The following NCOA1 variants were observed in gnomAD, a reference collection of about 807,000 sequenced individuals.
NCOA1 encodes the protein nuclear receptor coactivator 1, also known as Hin-2 protein.
In NCOA1, 35 loss-of-function variants were observed where a neutral mutation model predicts 150.9. The ratio of observed to expected loss-of-function variants is 0.23; its 90% CI spans 0.18 to 0.31. The LOEUF is 0.31. NCOA1 is among the 10% of genes least tolerant of loss of function. The pLI is 1.00. For missense variants in NCOA1, 1,491 were observed against 1,749.3 expected (o/e 0.85, Z 2.63); for synonymous variants, 590 against 630.0 (o/e 0.94, Z 0.95).
Position 24,747,966 on chromosome 2 carries a change from C to T in NCOA1, c.3707-4016C>T, listed in dbSNP as rs1046744205. Among the ~76,000 whole-genome samples the T allele has an allele frequency of 5.9e-5, 9 of 151,922 alleles. No individual in the cohort carries two copies. The South Asian group carries it at 8.3e-4, about 14-fold the overall frequency. On this transcript the variant is annotated intron_variant, in intron 19 of 22. Coordinates refer to ENST00000348332, the MANE Select transcript of NCOA1 (RefSeq NM_003743.5). The stretch of plus-strand genomic sequence containing the variant: ...TACTAAAAATACAAAAGTAGCTGGG[C>T]GTGGTGGCGCATGCCTGTAATCCCA...
At chr2:24,722,370 C>T (rs1674396926) in intron 14 of NCOA1, among the ~76,000 whole-genome samples, 1 of 152,140 alleles carries the variant, frequency 6.6e-6, no homozygotes, top group Non-Finnish European at 1.5e-5. Context: ...TTTGTCAGTA[C>T]CTTCAAAACC....
intron 3 of NCOA1, among the ~76,000 whole-genome samples, chr2:24,621,024 T>C (rs1669127126): frequency 1.3e-5 from 2 of 152,220 alleles, no homozygotes; most frequent in African/African-American, 2.4e-5. Context: ...ATGTTTCTTC[T>C]TGTTAACTAA....
rs529808645 is a variant in NCOA1 at position 24,505,404 on chromosome 2, C to T, written c.-396+13802C>T. On this transcript the variant is annotated intron_variant, in intron 1 of 22. Transcript: ENST00000348332. ...CTGTTGGTCAGGCTGGTCTTGAACT[C>T]TCAACCTCAGGTGATCCACCTGCCT... 4.6e-5 allele frequency among the ~76,000 whole-genome samples: 7 copies of T among 152,288 alleles called. No individual in the cohort carries two copies. In the East Asian group the frequency reaches 7.7e-4, roughly 17 times the overall value.
chr2:24,748,747 T>C (rs1664070116), intron 19 of NCOA1, among the ~76,000 whole-genome samples: 1 of 152,066 alleles, frequency 6.6e-6, no homozygotes, highest in Non-Finnish European at 1.5e-5. Context: ...AAAATCATTA[T>C]ATTAAAAATA....
At chr2:24,600,200 T>TTTG (rs773615016) in intron 3 of NCOA1, among the ~76,000 whole-genome samples, 22 of 152,152 alleles carry the variant, frequency 1.4e-4, no homozygotes, top group African/African-American at 3.4e-4. Flanking sequence ...ATTATGTTTT[T>TTTG]TTGTTGTTGT....
At chr2:24,716,548 G>T (rs1674056898) in intron 14 of NCOA1, among the ~76,000 whole-genome samples, 3 of 151,994 alleles carry the variant, frequency 2.0e-5, no homozygotes, top group African/African-American at 7.2e-5. Context: ...ACAAAAAAAT[G>T]AACTTATTTT....
chr2:24,533,421 A>G (rs1357966456), intron 1 of NCOA1, among the ~76,000 whole-genome samples: 2 of 152,152 alleles, frequency 1.3e-5, no homozygotes, highest in African/African-American at 4.8e-5. Flanking sequence ...CTCTTTTCCT[A>G]ATTGAATACT....
intron 4 of NCOA1, 94 bp from the exon 5 acceptor site, chr2:24,658,567 T>C (rs1671045418): frequency 8.3e-6 from 7 of 847,852 alleles, no homozygotes; most frequent in African/African-American, 1.7e-5. Flanking sequence ...TAGCACAATT[T>C]TTAGAAATTT....
intron 2 of NCOA1, among the ~76,000 whole-genome samples, chr2:24,578,697 T>G (rs1667082844): frequency 6.6e-6 from 1 of 152,106 alleles, no homozygotes; most frequent in African/African-American, 2.4e-5. Context: ...AATAACTCAT[T>G]TGAGAGGTAG....
intron 3 of NCOA1, among the ~76,000 whole-genome samples, chr2:24,631,745 A>G (rs1436634565): frequency 6.6e-6 from 1 of 152,132 alleles, no homozygotes; most frequent in East Asian, 1.9e-4. Flanking sequence ...GCTTGTGTGT[A>G]CAGAGGGACG....
chr2:24,633,164 A>G (rs1669780917), intron 3 of NCOA1, among the ~76,000 whole-genome samples: 1 of 152,178 alleles, frequency 6.6e-6, no homozygotes, highest in South Asian at 2.1e-4. Context: ...ACATATATAT[A>G]TACAAATACC....
At chr2:24,548,595 T>A (rs537002710) in intron 1 of NCOA1, among the ~76,000 whole-genome samples, 2 of 152,354 alleles carry the variant, frequency 1.3e-5, no homozygotes, top group African/African-American at 4.8e-5. Flanking sequence ...CCCTTCCGCC[T>A]ATGAGCCTGT....
chr2:24,563,022 C>T (rs530595598), intron 1 of NCOA1, among the ~76,000 whole-genome samples: 12 of 152,152 alleles, frequency 7.9e-5, no homozygotes, highest in South Asian at 2.1e-4. Flanking sequence ...CCTTATCCTT[C>T]GCTCTAAAGC....
At chr2:24,582,766 CA>C (rs1667250329) in intron 2 of NCOA1, among the ~76,000 whole-genome samples, 1 of 152,152 alleles carries the variant, frequency 6.6e-6, no homozygotes, top group South Asian at 2.1e-4. Context: ...ACACATAGAC[CA>C]ATGGAGCAGA....
chr2:24,702,154 AC>A (rs1673195186), intron 11 of NCOA1, among the ~76,000 whole-genome samples: 1 of 152,248 alleles, frequency 6.6e-6, no homozygotes, highest in African/African-American at 2.4e-5. Flanking sequence ...GATTAAGTCC[AC>A]GGTCCATGTA....
intron 3 of NCOA1, among the ~76,000 whole-genome samples, chr2:24,607,891 A>T (rs1668444012): frequency 6.6e-6 from 1 of 152,140 alleles, no homozygotes; most frequent in South Asian, 2.1e-4. Flanking sequence ...TTATGGTTGA[A>T]TTCGTTTTTC....
intron 11 of NCOA1, among the ~76,000 whole-genome samples, chr2:24,701,870 C>T (rs1300225713): frequency 3.9e-5 from 6 of 152,046 alleles, no homozygotes; most frequent in African/African-American, 1.4e-4. Flanking sequence ...ATTAGCCAGG[C>T]GTGGTGGCAT....
At chr2:24,507,093 G>C (rs935948479) in intron 1 of NCOA1, among the ~76,000 whole-genome samples, 4 of 152,136 alleles carry the variant, frequency 2.6e-5, no homozygotes, top group African/African-American at 9.7e-5. Context: ...CTCATCTGGA[G>C]GACGAAGACT....
intron 1 of NCOA1, among the ~76,000 whole-genome samples, chr2:24,496,195 C>T (rs1251132582): frequency 6.6e-6 from 1 of 152,206 alleles, no homozygotes; most frequent in Non-Finnish European, 1.5e-5. Flanking sequence ...TTGTCCTACA[C>T]ATAATGCTGA....
Sources: gnomAD v4.1 joint callset for allele counts (sites outside exome capture counted in the v4.1 genomes callset) on GRCh38, gnomAD v4.1.1 for gene constraint, MANE v1.5 for transcripts, NCBI Gene and HGNC (gene_info 2026-07-23, HGNC 2026-07-21) for gene names.